The following PTPRF variants were observed in gnomAD, a reference collection of about 807,000 sequenced individuals.
The protein encoded by PTPRF is protein tyrosine phosphatase receptor type F, also known as receptor-type tyrosine-protein phosphatase F.
A neutral mutation model predicts 201.8 loss-of-function variants in PTPRF; 59 were observed. The observed-to-expected ratio is 0.29, with a 90% CI of 0.24 to 0.36. The LOEUF is 0.36. Among genes scored for constraint, PTPRF ranks in the 10% least tolerant of loss-of-function variants. PTPRF has a pLI of 1.00. For missense variants in PTPRF, 2,132 were observed against 2,690.5 expected (o/e 0.79, Z 4.59); for synonymous variants, 1,088 against 1,089.7 (o/e 1.00, Z 0.03).
At chr1:43,539,993 G>A (rs977477207) in intron 2 of PTPRF, among the ~76,000 whole-genome samples, 9 of 152,232 alleles carry the variant, frequency 5.9e-5, no homozygotes, top group South Asian at 2.1e-4. Flanking sequence ...ACAGGGGATT[G>A]GGTTCTGGGG....
chr1:43,553,880 G>C lies in PTPRF; in HGVS notation c.318G>C (p.Glu106Asp), dbSNP rs571501672. ...LRVQRDEAIY[E>D]CTATNSLGEI... ...TGCAGCGAGATGAAGCCATCTATGA[G>C]TGTACAGCTACTAACAGCCTGGGTG... Residue 106 changes from glutamate to aspartate, a missense_variant, in exon 5 of 34, where the codon GAG (glutamate) becomes GAC (aspartate). Coordinates refer to ENST00000359947, the MANE Select transcript of PTPRF (RefSeq NM_002840.5). This position sits in a 1 kb window ranked among gnomAD's most constrained non-coding sequence, Gnocchi z 4.1. 21 of 1,614,186 alleles carry C rather than the reference G, an allele frequency of 1.3e-5. No individual in the cohort carries two copies. The African/African-American group carries it at 2.3e-4, about 17-fold the overall frequency.
intron 21 of PTPRF, among the ~76,000 whole-genome samples, chr1:43,608,440 T>C (rs545605402): frequency 1.3e-5 from 2 of 152,336 alleles, no homozygotes; most frequent in East Asian, 3.9e-4. Flanking sequence ...GGCCTATGGC[T>C]TTAAGCAGCA....
At position 43,588,566 on chromosome 1, in the gene PTPRF, G is replaced by C. The variant is rs1649777388; in HGVS notation, c.680-165G>C. Among the ~76,000 whole-genome samples the C allele has an allele frequency of 6.6e-6, 1 of 152,178 alleles. No individual in the cohort carries two copies. The highest frequency in any genetic ancestry group is 2.1e-4 in the South Asian group (1 of 4,834). On this transcript the variant is annotated intron_variant, in intron 7 of 33. Transcript: ENST00000359947. This position sits in a 1 kb window ranked among gnomAD's most constrained non-coding sequence, Gnocchi z 5.3. Reference sequence around the variant, plus strand: ...GCCACTTCTAGGCTGGAAGTGGGTGGGGTGGGAGTGGATGATGAGCTGGGG... The same window carrying C: ...GCCACTTCTAGGCTGGAAGTGGGTGCGGTGGGAGTGGATGATGAGCTGGGG...
rs1266780563 is a variant in PTPRF at position 43,546,344 on chromosome 1, C to T, written c.91+1178C>T. On this transcript the variant is annotated intron_variant, in intron 3 of 33. Coordinates refer to ENST00000359947, the MANE Select transcript of PTPRF (RefSeq NM_002840.5). The surrounding 1 kb of genome is among the most constrained non-coding windows in gnomAD (Gnocchi z 4.2). ...GTGGGGCAAAGGGTCATGGGAGCAC[C>T]AGGTACCAAAGAGAGGGCTGGGCAG... Among the ~76,000 whole-genome samples the T allele has an allele frequency of 6.6e-6, 1 of 151,950 alleles. No individual in the cohort carries two copies. The highest frequency in any genetic ancestry group is 1.5e-5 in the Non-Finnish European group (1 of 67,984).
At chr1:43,581,838 G>T (rs1433991090) in intron 7 of PTPRF, among the ~76,000 whole-genome samples, 3 of 152,228 alleles carry the variant, frequency 2.0e-5, no homozygotes, top group Non-Finnish European at 4.4e-5. Flanking sequence ...GTGGGCTCTA[G>T]CCCTGAACTT....
At chr1:43,530,555 T>G (rs1403471508), upstream of PTPRF, among the ~76,000 whole-genome samples, 1 of 152,174 alleles carries the variant, frequency 6.6e-6, no homozygotes, top group Non-Finnish European at 1.5e-5. The surrounding 1 kb of genome is among the most constrained non-coding windows in gnomAD (Gnocchi z 4.1). Flanking sequence ...AGGTGTGGGC[T>G]CAGTATCAGG....
chr1:43,566,018 G>A (rs929137151), intron 5 of PTPRF, among the ~76,000 whole-genome samples: 3 of 152,238 alleles, frequency 2.0e-5, no homozygotes, highest in Admixed American at 1.3e-4. Flanking sequence ...TGGAAAATGG[G>A]TGGGTGCTTG....
At chr1:43,539,719 TG>T (rs1644245218) in intron 2 of PTPRF, among the ~76,000 whole-genome samples, 1 of 152,132 alleles carries the variant, frequency 6.6e-6, no homozygotes, top group South Asian at 2.1e-4. Context: ...CATCCTCAGA[TG>T]ATGGTCTGAC....
intron 5 of PTPRF, among the ~76,000 whole-genome samples, chr1:43,566,623 G>A (rs991886844): frequency 5.9e-5 from 9 of 152,230 alleles, no homozygotes; most frequent in Admixed American, 6.5e-5. Flanking sequence ...CATGGTGGGC[G>A]TCAGGAAAGG....
intron 5 of PTPRF, among the ~76,000 whole-genome samples, chr1:43,561,377 G>T (rs1456488278): frequency 6.6e-6 from 1 of 152,174 alleles, no homozygotes; most frequent in African/African-American, 2.4e-5. Flanking sequence ...ACTTGGCCCA[G>T]GCCTGACTTT....
At chr1:43,619,893 C>A (rs187496303) in intron 29 of PTPRF, 35 bp downstream of exon 29, 92 of 1,607,314 alleles carry the variant, frequency 5.7e-5, no homozygotes, top group Admixed American at 1.3e-4. Flanking sequence ...CCATGCCCTA[C>A]AGGGGCCTAG....
chr1:43,533,168 A>AAT (rs911402566), intron 1 of PTPRF, among the ~76,000 whole-genome samples: 3 of 152,038 alleles, frequency 2.0e-5, no homozygotes, highest in Non-Finnish European at 2.9e-5. Context: ...AAATTGTTTT[A>AAT]ACATAATTCC....
chr1:43,535,695 C>T (rs1380923360), intron 1 of PTPRF, among the ~76,000 whole-genome samples: 1 of 152,198 alleles, frequency 6.6e-6, no homozygotes, highest in East Asian at 1.9e-4. Flanking sequence ...GCCCCAAGGG[C>T]TTTCTTTCTT....
rs190176134 is a variant in PTPRF at position 43,578,925 on chromosome 1, G to A, written c.679+5G>A. ...CTGCGAACCTGTATGTGCGAGGTAA[G>A]GACTCAGGCAGTGCCTGGCCCCTGT... is the stretch of plus-strand genomic sequence containing the variant. On this transcript the variant is annotated splice_donor_5th_base_variant and intron_variant, in intron 7 of 33. Coordinates refer to ENST00000359947, the MANE Select transcript of PTPRF (RefSeq NM_002840.5). 1.2e-6 allele frequency: 2 copies of A among 1,613,918 alleles called. No homozygotes were observed. The highest frequency in any genetic ancestry group is 2.2e-5 in the East Asian group (1 of 44,880).
chr1:43,619,614 T>C (rs1453107321), intron 28 of PTPRF, 41 bp downstream of exon 28: 1 of 1,610,540 alleles, frequency 6.2e-7, no homozygotes, highest in Non-Finnish European at 8.5e-7. Context: ...GGGCCTAGAC[T>C]GGGTCATGCA....
upstream of PTPRF, among the ~76,000 whole-genome samples, chr1:43,524,920 A>G (rs1045182182): frequency 2.6e-5 from 4 of 152,200 alleles, no homozygotes; most frequent in African/African-American, 9.7e-5. Flanking sequence ...AGCCGACTGG[A>G]GAACTGCGCA....
rs760409112 is a variant in PTPRF, at chr1:43,617,538, C to G, written c.4165C>G (p.His1389Asp). 6.2e-7 allele frequency: 1 copy of G among 1,614,100 alleles called. No individual in the cohort carries two copies. Among genetic ancestry groups the G allele is most frequent in the Non-Finnish European group, 8.5e-7 (1 of 1,180,016 alleles). ...CTATGCGAATGTCATCGCCTACGAC[C>G]ACTCTCGAGTCATCCTTACCTCTAT... ...NRYANVIAYD[H>D]SRVILTSIDG... The change falls in exon 24 of 34, where the codon CAC becomes GAC. Residue 1389 changes from histidine (H) to aspartate (D), a missense_variant. Coordinates refer to ENST00000359947, the MANE Select transcript of PTPRF (RefSeq NM_002840.5).
Position 43,602,082 on chromosome 1 carries a change from G to A in PTPRF, c.2325G>A (p.Glu775=). 5.6e-6 allele frequency: 9 copies of A among 1,613,750 alleles called. No homozygotes were observed. Among genetic ancestry groups the A allele is most frequent in the Non-Finnish European group, 7.6e-6 (9 of 1,179,600 alleles). The change falls in exon 14 of 34, where the codon GAG becomes GAA. Residue 775 remains glutamate (E), a synonymous_variant. Transcript: ENST00000359947. The part of the protein sequence containing the change: ...VMLAEAQWRP[E]ESEDYETTIS... Reference sequence around the variant, plus strand: ...TCTCCCGCGGTCAGTGGCGGCCAGAGGAGTCCGAGGACTATGTAAGTAACA... The same window carrying A: ...TCTCCCGCGGTCAGTGGCGGCCAGAAGAGTCCGAGGACTATGTAAGTAACA...
At chr1:43,541,682 A>G (rs903703722) in intron 2 of PTPRF, among the ~76,000 whole-genome samples, 17 of 87,712 alleles carry the variant, frequency 1.9e-4, no homozygotes, top group African/African-American at 7.2e-4. Context: ...CAAGGACAAT[A>G]TTTGAGAATA....
Sources: gnomAD v4.1 joint callset for allele counts (sites outside exome capture counted in the v4.1 genomes callset) on GRCh38, gnomAD v4.1.1 for gene constraint, Gnocchi (gnomAD v3.1) non-coding constraint, MANE v1.5 for transcripts, NCBI Gene and HGNC (gene_info 2026-07-23, HGNC 2026-07-21) for gene names.